Variants in STK32A observed in about 807,000 individuals in gnomAD.
STK32A encodes serine/threonine kinase 32A.
In STK32A, 41 loss-of-function variants were observed where a neutral mutation model predicts 53.2. The ratio of observed to expected loss-of-function variants is 0.77; its 90% CI spans 0.60 to 1.00. The LOEUF (loss-of-function observed/expected upper bound fraction) is 1.00. Among genes scored for constraint, STK32A ranks in the 50% least tolerant of loss-of-function variants. STK32A has a pLI of 0.00. For missense variants in STK32A, 458 were observed against 485.8 expected (o/e 0.94, Z 0.54); for synonymous variants, 166 against 162.8 (o/e 1.02, Z -0.15).
At chr5:147,266,691 T>C (rs1754827001) in intron 2 of STK32A, among the ~76,000 whole-genome samples, 1 of 152,134 alleles carries the variant, frequency 6.6e-6, no homozygotes, top group Non-Finnish European at 1.5e-5. Flanking sequence ...GTTGGTCCTG[T>C]GTGAAGTCCT....
At chr5:147,342,190 T>C (rs1190883180) in intron 5 of STK32A, among the ~76,000 whole-genome samples, 2 of 152,226 alleles carry the variant, frequency 1.3e-5, no homozygotes, top group Non-Finnish European at 2.9e-5. Context: ...GCTTTCATGC[T>C]GCTAGAATAA....
intron 2 of STK32A, among the ~76,000 whole-genome samples, chr5:147,250,222 G>A (rs1228512470): frequency 1.3e-5 from 2 of 152,020 alleles, no homozygotes; most frequent in Non-Finnish European, 2.9e-5. Context: ...ACTTTTGGAG[G>A]CATACAGTGA....
rs1300932252 is a variant in STK32A, at chr5:147,370,764, TA to T, written c.776del (p.Lys259SerfsTer23). The T allele has an allele frequency of 2.5e-6, 4 of 1,604,612 alleles. No individual in the cohort carries two copies. Among genetic ancestry groups the T allele is most frequent in the Non-Finnish European group, 3.4e-6 (4 of 1,171,902 alleles). ...AWSQEMVSLL[K>X]KLLEPNPDQR... Reference sequence around the variant, plus strand: ...GGTCACAGGAAATGGTGTCACTTCTTAAAAAGGTAAGAAGGAAGACTGCATG... The same window carrying T: ...GGTCACAGGAAATGGTGTCACTTCTTAAAAGGTAAGAAGGAAGACTGCATG... On this transcript the variant is annotated frameshift_variant, in exon 9 of 13. Transcript: ENST00000397936. LOFTEE classifies it high-confidence loss of function.
At chr5:147,301,655 C>T (rs149066144) in intron 4 of STK32A, among the ~76,000 whole-genome samples, 21 of 152,234 alleles carry the variant, frequency 1.4e-4, no homozygotes, top group Non-Finnish European at 2.5e-4. Flanking sequence ...TATTTCATCA[C>T]GCAGAAATAT....
At chr5:147,260,035 TCTCTCCTGTCTCTC>T (rs1754441907) in intron 2 of STK32A, among the ~76,000 whole-genome samples, 1 of 129,594 alleles carries the variant, frequency 7.7e-6, no homozygotes, top group Non-Finnish European at 1.5e-5. Flanking sequence ...TCTCTCTTTC[TCTCTCCTGTCTCTC>T]CTCTCTCTCT....
chr5:147,350,599 C>G (rs927617327), intron 6 of STK32A, among the ~76,000 whole-genome samples: 3 of 151,896 alleles, frequency 2.0e-5, no homozygotes, highest in African/African-American at 7.3e-5. Context: ...AACTCCTGAC[C>G]TCAAGTGATC....
At chr5:147,269,626 AT>A (rs1204710960) in intron 2 of STK32A, among the ~76,000 whole-genome samples, 2 of 152,096 alleles carry the variant, frequency 1.3e-5, no homozygotes, top group South Asian at 2.1e-4. Flanking sequence ...CTTTTACTTG[AT>A]TTTTTTTCCC....
chr5:147,331,771 G>A lies in STK32A; in HGVS notation c.434+7700G>A, dbSNP rs1014710890. On this transcript the variant is annotated intron_variant, in intron 5 of 12. Transcript: ENST00000397936. ...GGAACATACAAAGAGTGAAGATGAT[G>A]TGGATGTAGAGAGACACAGGGAGGA... Among the ~76,000 whole-genome samples, 8 of 152,184 alleles carry A rather than the reference G, an allele frequency of 5.3e-5. 1 individual carries two copies. Among genetic ancestry groups the A allele is most frequent in the Admixed American group, 3.9e-4 (6 of 15,276 alleles).
intron 2 of STK32A, among the ~76,000 whole-genome samples, chr5:147,262,545 G>A (rs184913493): frequency 4.0e-3 from 611 of 151,188 alleles, no homozygotes; most frequent in Non-Finnish European, 6.6e-3. Context: ...CCACATTCCT[G>A]TAAGGTAGGT....
intron 12 of STK32A, 25 bp from the exon 13 acceptor site, chr5:147,383,865 T>C (rs369644378): frequency 1.3e-5 from 18 of 1,423,410 alleles, no homozygotes; most frequent in Non-Finnish European, 1.7e-5. Context: ...GAATAAAACA[T>C]CTTTTTTTTT....
intron 2 of STK32A, among the ~76,000 whole-genome samples, chr5:147,251,516 G>T (rs1373685490): frequency 6.6e-6 from 1 of 152,146 alleles, no homozygotes; most frequent in Non-Finnish European, 1.5e-5. Context: ...CCGGAATCTT[G>T]ATCTAAAATG....
chr5:147,366,257 C>T (rs1432698836), intron 8 of STK32A, among the ~76,000 whole-genome samples: 1 of 152,154 alleles, frequency 6.6e-6, no homozygotes, highest in Non-Finnish European at 1.5e-5. Flanking sequence ...GGTTTTTTAA[C>T]CTCTTGTTCC....
intron 2 of STK32A, among the ~76,000 whole-genome samples, chr5:147,259,287 A>G (rs1427025446): frequency 1.3e-5 from 2 of 152,186 alleles, no homozygotes; most frequent in Admixed American, 1.3e-4. Context: ...TGTGCTCACA[A>G]TGAGGTTTCC....
intron 1 of STK32A, among the ~76,000 whole-genome samples, chr5:147,238,367 C>G (rs1753414762): frequency 6.6e-6 from 1 of 152,118 alleles, no homozygotes; most frequent in Non-Finnish European, 1.5e-5. Context: ...TATAGGGATC[C>G]CAGCTTGTCA....
chr5:147,379,665 T>G (rs1241236016), intron 11 of STK32A, among the ~76,000 whole-genome samples: 1 of 152,134 alleles, frequency 6.6e-6, no homozygotes, highest in African/African-American at 2.4e-5. Flanking sequence ...AAGTATAGAA[T>G]CAACAGACTG....
downstream of STK32A, chr5:147,391,672 C>T (rs1757808467): frequency 6.6e-6 from 1 of 152,134 alleles, no homozygotes; most frequent in Non-Finnish European, 1.5e-5. Flanking sequence ...TGAAACGAAA[C>T]AAATCTGAAT....
intron 2 of STK32A, among the ~76,000 whole-genome samples, chr5:147,264,421 T>C (rs1016346650): frequency 6.6e-6 from 1 of 152,132 alleles, no homozygotes; most frequent in Non-Finnish European, 1.5e-5. Flanking sequence ...ACTAGACAAC[T>C]GGAGAAGGGT....
chr5:147,299,803 G>A (rs898882316), intron 4 of STK32A, among the ~76,000 whole-genome samples: 37 of 152,150 alleles, frequency 2.4e-4, no homozygotes, highest in Admixed American at 2.2e-3. Flanking sequence ...TTAAAGTAAC[G>A]TAAGCTATTG....
intron 9 of STK32A, among the ~76,000 whole-genome samples, chr5:147,371,446 T>C (rs1757000667): frequency 6.6e-6 from 1 of 152,184 alleles, no homozygotes; most frequent in African/African-American, 2.4e-5. Context: ...TTCTTTCTTT[T>C]CTCCTTCTTC....
Sources: allele counts gnomAD v4.1 joint callset (sites outside exome capture counted in the v4.1 genomes callset), GRCh38; gene constraint gnomAD v4.1.1; transcripts MANE v1.5; gene names NCBI Gene and HGNC (gene_info 2026-07-23, HGNC 2026-07-21).